Variants in SYT2 observed in about 807,000 individuals in gnomAD.
The protein encoded by SYT2 is synaptotagmin 2.
Under a neutral mutation model 39.9 loss-of-function variants are expected in SYT2, and 15 were observed. The ratio of observed to expected loss-of-function variants is 0.38; its 90% CI spans 0.25 to 0.58. SYT2 has a LOEUF of 0.58. Among genes scored for constraint, SYT2 ranks in the 20% least tolerant of loss-of-function variants. SYT2 has a pLI of 0.70. For missense variants in SYT2, 389 were observed against 530.3 expected, an observed-to-expected ratio of 0.73 and a Z score of 2.62; for synonymous variants, 181 against 204.5, an observed-to-expected ratio of 0.89 and a Z score of 0.98.
chr1:202,607,111 C>T (rs1340376808), intron 1 of SYT2, among the ~76,000 whole-genome samples: 1 of 152,104 alleles, frequency 6.6e-6, no homozygotes, highest in Non-Finnish European at 1.5e-5. Flanking sequence ...AGCTTCCAAA[C>T]TCTGCCCCCC....
chr1:202,673,643 G>A (rs571395119), intron 1 of SYT2, among the ~76,000 whole-genome samples: 1 of 152,268 alleles, frequency 6.6e-6, no homozygotes, highest in South Asian at 2.1e-4. Flanking sequence ...TGACCTCCAG[G>A]AAGACTTGCC....
At chr1:202,707,917 CAT>C (rs1358387327) in intron 1 of SYT2, among the ~76,000 whole-genome samples, 1 of 152,158 alleles carries the variant, frequency 6.6e-6, no homozygotes, top group Non-Finnish European at 1.5e-5. Context: ...TCTGCAGTAT[CAT>C]AGACAGCCCT....
intron 4 of SYT2, 46 bp from the exon 5 acceptor site, chr1:202,602,591 C>G (rs1690547720): frequency 1.3e-6 from 2 of 1,562,808 alleles, no homozygotes; most frequent in African/African-American, 1.4e-5. Flanking sequence ...CAGGACTGCT[C>G]CAATACCACA....
rs1236530133 is a variant in SYT2, at chr1:202,600,465, G to C, written c.811C>G (p.Leu271Val). The change falls in exon 7 of 9, where the codon CTG becomes GTG. Residue 271 changes from leucine to valine, a missense_variant. By Grantham distance (32) the Leu-to-Val change is conservative. Coordinates refer to ENST00000367268, the MANE Select transcript of SYT2 (RefSeq NM_177402.5). ...QGGEKEEPEK[L>V]GDICTSLRYV... ...CGCAGGGAGGTGCAGATGTCGCCCAGCTTCTCCGGCTGTCCAGGGGAAGAG... is the reference window on the plus strand; with the variant it reads ...CGCAGGGAGGTGCAGATGTCGCCCACCTTCTCCGGCTGTCCAGGGGAAGAG... 6.2e-7 allele frequency: 1 copy of C among 1,614,160 alleles called. No individual in the cohort carries two copies. The highest frequency in any genetic ancestry group is 8.5e-7 in the Non-Finnish European group (1 of 1,180,000).
chr1:202,663,463 G>T (rs993473721), intron 1 of SYT2, among the ~76,000 whole-genome samples: 12 of 152,104 alleles, frequency 7.9e-5, no homozygotes, highest in Admixed American at 3.9e-4. Context: ...TCCTCTTCCT[G>T]AATCCCCTGT....
rs1450019435 is a variant in SYT2, at chr1:202,639,784, G to T, written c.-17-33995C>A. On this transcript the variant is annotated intron_variant, in intron 1 of 8. Coordinates refer to ENST00000367268, the MANE Select transcript of SYT2 (RefSeq NM_177402.5). ...GAAGACTAGAGCATGCAAACTCCTG[G>T]AGCCTGAGGCCAGTGCGCAGCAAGA... 6 of 985,450 alleles carry T rather than the reference G, an allele frequency of 6.1e-6. No homozygotes were observed. In the East Asian group the frequency reaches 6.8e-4, roughly 112 times the overall value. The allele number at this position is 985,450 out of a possible 1,614,324, so 61.0% of individuals were successfully genotyped here.
At chr1:202,667,563 C>T (rs4950865) in intron 1 of SYT2, among the ~76,000 whole-genome samples, 85,153 of 150,774 alleles carry the variant, frequency 0.56, 25,365 homozygotes, top group East Asian at 0.79. Context: ...CTTTATTTTA[C>T]AGTGGTCATT....
rs539417071 is a variant in SYT2, at chr1:202,682,716, C to T, written c.-18+27542G>A. ...CCGAGAGTCAAGGCCACGGAGCTAG[C>T]GTGGAGCTGATCATGGACTAGCCTA... On this transcript the variant is annotated intron_variant, in intron 1 of 8. Transcript: ENST00000367268. 2.6e-5 allele frequency among the ~76,000 whole-genome samples: 4 copies of T among 152,084 alleles called. No homozygotes were observed. The South Asian group carries it at 6.3e-4, about 24-fold the overall frequency.
chr1:202,605,550 A>G (rs1331579705), intron 2 of SYT2, 45 bp downstream of exon 2: 1 of 1,575,570 alleles, frequency 6.3e-7, no homozygotes, highest in East Asian at 2.2e-5. Context: ...CACCTCTCCC[A>G]GACTCTAGCC....
Position 202,628,673 on chromosome 1 carries a change from T to C in SYT2, c.-17-22884A>G, listed in dbSNP as rs1160777329. 6.6e-6 allele frequency among the ~76,000 whole-genome samples: 1 copy of C among 152,080 alleles called. No homozygotes were observed. The highest frequency in any genetic ancestry group is 1.5e-5 in the Non-Finnish European group (1 of 68,010). ...GATAGGGGCCAGGAGGGATGAACCA[T>C]GGCCTCAAAACACCCATGGGCTGGA... On this transcript the variant is annotated intron_variant, in intron 1 of 8. Transcript: ENST00000367268. The surrounding 1 kb of genome is among the most constrained non-coding windows in gnomAD (Gnocchi z 4.2).
At chr1:202,704,276 G>A (rs966424615) in intron 1 of SYT2, among the ~76,000 whole-genome samples, 1 of 152,166 alleles carries the variant, frequency 6.6e-6, no homozygotes, top group African/African-American at 2.4e-5. Context: ...TGGGGGCTAG[G>A]GGGACCCAGG....
At position 202,599,471 on chromosome 1, in the gene SYT2, G is replaced by C. The variant is rs1373527097; in HGVS notation, c.920-120C>G. On this transcript the variant is annotated intron_variant, in intron 7 of 8. Coordinates refer to ENST00000367268, the MANE Select transcript of SYT2 (RefSeq NM_177402.5). This position sits in a 1 kb window ranked among gnomAD's most constrained non-coding sequence, Gnocchi z 4.4. Reference sequence around the variant, plus strand: ...GGGGGTCTTCACTCCGCTGAGACCAGGCCCTCAGAAAGCCCCAAGTCATGC... The same window carrying C: ...GGGGGTCTTCACTCCGCTGAGACCACGCCCTCAGAAAGCCCCAAGTCATGC... 1.8e-5 allele frequency: 22 copies of C among 1,198,914 alleles called. No homozygotes were observed. Among genetic ancestry groups the C allele is most frequent in the African/African-American group, 3.2e-5 (2 of 63,292 alleles). The allele number at this position is 1,198,914 out of a possible 1,614,324, so 74.3% of individuals were successfully genotyped here.
intron 1 of SYT2, among the ~76,000 whole-genome samples, chr1:202,702,273 C>G (rs940428471): frequency 6.6e-6 from 1 of 152,238 alleles, no homozygotes; most frequent in African/African-American, 2.4e-5. Context: ...CTGCCTCCTG[C>G]AGCTGCAGCA....
intron 1 of SYT2, among the ~76,000 whole-genome samples, chr1:202,631,206 C>A (rs1273797777): frequency 6.6e-6 from 1 of 152,312 alleles, no homozygotes; most frequent in South Asian, 2.1e-4. Context: ...CCAAAGCCAG[C>A]ATGGGTGAGC....
chr1:202,663,254 A>G (rs1445675190), intron 1 of SYT2, among the ~76,000 whole-genome samples: 1 of 152,126 alleles, frequency 6.6e-6, no homozygotes, highest in Non-Finnish European at 1.5e-5. Flanking sequence ...GGAGGTCATT[A>G]CCCTCAGCAA....
At chr1:202,650,565 A>G (rs1487906521) in intron 1 of SYT2, among the ~76,000 whole-genome samples, 1 of 151,492 alleles carries the variant, frequency 6.6e-6, no homozygotes, top group Admixed American at 6.6e-5. Context: ...CCTCCTGAGT[A>G]GCTGGGATTT....
chr1:202,689,024 A>T (rs983758337), intron 1 of SYT2, among the ~76,000 whole-genome samples: 2 of 152,090 alleles, frequency 1.3e-5, no homozygotes, highest in African/African-American at 4.8e-5. Flanking sequence ...TCAGCAAGGG[A>T]GGGAACTTTC....
intron 1 of SYT2, among the ~76,000 whole-genome samples, chr1:202,640,126 A>G (rs933273496): frequency 4.6e-5 from 7 of 152,238 alleles, no homozygotes; most frequent in South Asian, 2.1e-4. Context: ...GCTCTTAACC[A>G]TCAGCGCTCT....
intron 1 of SYT2, among the ~76,000 whole-genome samples, chr1:202,650,801 A>G (rs565068928): frequency 3.9e-5 from 6 of 152,318 alleles, no homozygotes; most frequent in African/African-American, 1.4e-4. Flanking sequence ...TGGAGCCTCC[A>G]TGGGGGTTAA....
Sources: allele counts gnomAD v4.1 joint callset (sites outside exome capture counted in the v4.1 genomes callset), GRCh38; gene constraint gnomAD v4.1.1; non-coding constraint Gnocchi (gnomAD v3.1); transcripts MANE v1.5; gene names NCBI Gene and HGNC (gene_info 2026-07-23, HGNC 2026-07-21).